GRID1: variants seen among roughly 807,000 people sequenced by gnomAD.
GRID1 encodes glutamate receptor ionotropic, delta-1.
In GRID1, 28 loss-of-function variants were observed where a neutral mutation model predicts 98.0. The ratio of observed to expected loss-of-function variants is 0.29; its 90% confidence interval spans 0.21 to 0.39. The LOEUF (loss-of-function observed/expected upper bound fraction) is 0.39. Among genes scored for constraint, GRID1 ranks in the 10% least tolerant of loss-of-function variants. The probability of loss-of-function intolerance (pLI) is 1.00; values close to 1 mark genes in which losing one functional copy is unlikely to be tolerated. For synonymous variants in GRID1, 553 were observed against 538.5 expected, an observed-to-expected ratio of 1.03 and a Z score of -0.37; for missense variants, 1,111 against 1,340.5, an observed-to-expected ratio of 0.83 and a Z score of 2.67.
intron 4 of GRID1, among the ~76,000 whole-genome samples, chr10:86,099,472 C>T (rs1045299880): frequency 6.6e-6 from 1 of 152,102 alleles, no homozygotes; most frequent in African/African-American, 2.4e-5. Context: ...GTACAAGGCA[C>T]CGAGAAGCCA....
At chr10:85,769,468 T>C (rs1032531494) in intron 8 of GRID1, among the ~76,000 whole-genome samples, 2 of 152,030 alleles carry the variant, frequency 1.3e-5, no homozygotes, top group Non-Finnish European at 2.9e-5. Context: ...TGCCAGACAG[T>C]GGGTGCAGGA....
In GRID1 at chr10:85,993,612, T is replaced by A. The variant is rs191296225; in HGVS notation, c.727-77373A>T. ...ACACAAGGAAAAGGTTTAGAGAAACTAGGTACCCCAGCCAGGGCCCATGAC... is the reference window on the plus strand; with the variant it reads ...ACACAAGGAAAAGGTTTAGAGAAACAAGGTACCCCAGCCAGGGCCCATGAC... On this transcript the variant is annotated intron_variant, in intron 4 of 15. Transcript: ENST00000327946. Among the ~76,000 whole-genome samples, 245 of 152,118 alleles carry A rather than the reference T, an allele frequency of 1.6e-3. 1 individual carries two copies. Among genetic ancestry groups the A allele is most frequent in the Middle Eastern group, 3.4e-3 (1 of 294 alleles).
chr10:86,338,468 T>C (rs1158573269), intron 2 of GRID1, among the ~76,000 whole-genome samples: 1 of 152,072 alleles, frequency 6.6e-6, no homozygotes, highest in Non-Finnish European at 1.5e-5. Flanking sequence ...AAGGCCAGGG[T>C]GAATTGGATC....
At chr10:85,821,515 T>TCAAAAAAAAAAAAAAAAAAAAAAAAAAAA in intron 8 of GRID1, among the ~76,000 whole-genome samples, 1 of 15,718 alleles carries the variant, frequency 6.4e-5, no homozygotes, top group Non-Finnish European at 1.1e-4. Flanking sequence ...AGACTTCATC[T>TCAAAAAAAAAAAAAAAAAAAAAAAAAAAA]CAAAAAAAAA....
At chr10:86,170,118 G>C (rs570124344) in intron 3 of GRID1, among the ~76,000 whole-genome samples, 1 of 152,326 alleles carries the variant, frequency 6.6e-6, no homozygotes, top group African/African-American at 2.4e-5. Flanking sequence ...CCTGGGGCTT[G>C]AGGGAATCAC....
At chr10:86,208,395 C>G (rs758071189) in intron 2 of GRID1, among the ~76,000 whole-genome samples, 1 of 152,090 alleles carries the variant, frequency 6.6e-6, no homozygotes, top group Non-Finnish European at 1.5e-5. Context: ...AAATCCATTG[C>G]GTGCCCTGCT....
chr10:86,111,767 A>G (rs1213311408), intron 4 of GRID1, among the ~76,000 whole-genome samples: 1 of 152,266 alleles, frequency 6.6e-6, no homozygotes. Flanking sequence ...CCAATCAGTC[A>G]TGCCATTGAA....
At chr10:85,704,275 T>C (rs1286040661) in intron 12 of GRID1, among the ~76,000 whole-genome samples, 1 of 152,066 alleles carries the variant, frequency 6.6e-6, no homozygotes, top group Non-Finnish European at 1.5e-5. Context: ...TGGAGAAGGA[T>C]CTACCAAGCA....
chr10:86,362,996 G>A (rs945564180), intron 2 of GRID1, among the ~76,000 whole-genome samples: 9 of 152,270 alleles, frequency 5.9e-5, no homozygotes, highest in African/African-American at 9.6e-5. Flanking sequence ...CCATGGTTGC[G>A]GGGAGCAAGG....
At chr10:85,695,699 C>T (rs1026241739) in intron 12 of GRID1, among the ~76,000 whole-genome samples, 11 of 152,248 alleles carry the variant, frequency 7.2e-5, no homozygotes, top group African/African-American at 2.6e-4. Flanking sequence ...CAGTAGGATA[C>T]TGATGTGTAT....
At chr10:85,717,314 T>C (rs1841650730) in intron 12 of GRID1, among the ~76,000 whole-genome samples, 1 of 149,806 alleles carries the variant, frequency 6.7e-6, no homozygotes, top group South Asian at 2.1e-4. Flanking sequence ...TACCTGAAAC[T>C]GGGAACAAAA....
chr10:85,758,938 G>T (rs1842123214), intron 8 of GRID1, among the ~76,000 whole-genome samples: 1 of 152,156 alleles, frequency 6.6e-6, no homozygotes, highest in Non-Finnish European at 1.5e-5. Flanking sequence ...ACCCCTGTGT[G>T]GTTCGAATTC....
intron 12 of GRID1, among the ~76,000 whole-genome samples, chr10:85,699,076 A>T (rs1430428606): frequency 6.6e-6 from 1 of 151,704 alleles, no homozygotes; most frequent in African/African-American, 2.4e-5. Context: ...TTTTTGAGAT[A>T]GAGTCTCACT....
At chr10:85,944,993 G>A (rs1419312157) in intron 4 of GRID1, among the ~76,000 whole-genome samples, 1 of 152,004 alleles carries the variant, frequency 6.6e-6, no homozygotes, top group South Asian at 2.1e-4. Context: ...GGAAATAATG[G>A]GTACCCCAGC....
chr10:85,607,560 G>A (rs1251179221), intron 15 of GRID1, among the ~76,000 whole-genome samples: 1 of 152,176 alleles, frequency 6.6e-6, no homozygotes, highest in African/African-American at 2.4e-5. Context: ...TCAGGAGATG[G>A]TGGGCAGTTT....
intron 4 of GRID1, among the ~76,000 whole-genome samples, chr10:86,068,891 A>G (rs1199171283): frequency 6.6e-6 from 1 of 152,030 alleles, no homozygotes; most frequent in Admixed American, 6.5e-5. Context: ...TTGGGAGGAA[A>G]GAGAGGCTCC....
chr10:86,340,134 A>G (rs1848289424), intron 2 of GRID1, among the ~76,000 whole-genome samples: 2 of 152,194 alleles, frequency 1.3e-5, no homozygotes, highest in African/African-American at 2.4e-5. Flanking sequence ...CCAGGGGAGA[A>G]GGTCAAGCAG....
At chr10:85,936,618 T>G (rs1243003403) in intron 4 of GRID1, among the ~76,000 whole-genome samples, 1 of 152,130 alleles carries the variant, frequency 6.6e-6, no homozygotes, top group Non-Finnish European at 1.5e-5. Context: ...TCTATCCAGT[T>G]CTGTTTGTTG....
intron 15 of GRID1, among the ~76,000 whole-genome samples, chr10:85,609,855 C>G (rs1262393857): frequency 2.0e-5 from 3 of 152,188 alleles, no homozygotes; most frequent in Non-Finnish European, 2.9e-5. Flanking sequence ...GGCTCCACAT[C>G]CCCCATAAAT....
Sources: gnomAD v4.1 joint callset for allele counts (sites outside exome capture counted in the v4.1 genomes callset) on GRCh38, gnomAD v4.1.1 for gene constraint, MANE v1.5 for transcripts, NCBI Gene and HGNC (gene_info 2026-07-23, HGNC 2026-07-21) for gene names.